XDH: variants seen among roughly 807,000 people sequenced by gnomAD.
XDH encodes the protein xanthine dehydrogenase/oxidase.
In XDH, 138 loss-of-function variants were observed where a neutral mutation model predicts 156.1. The ratio of observed to expected loss-of-function variants is 0.88; its 90% CI spans 0.77 to 1.02. The LOEUF is 1.02. Among genes scored for constraint, XDH ranks in the 50% least tolerant of loss-of-function variants. XDH has a pLI of 0.00. For synonymous variants in XDH, 669 were observed against 625.7 expected, an observed-to-expected ratio of 1.07 and a Z score of -1.03; for missense variants, 1,849 against 1,684.9, an observed-to-expected ratio of 1.10 and a Z score of -1.71.
At chr2:31,378,577 G>T (rs1481965331) in intron 13 of XDH, among the ~76,000 whole-genome samples, 1 of 152,154 alleles carries the variant, frequency 6.6e-6, no homozygotes, top group African/African-American at 2.4e-5. Context: ...GTCATGTGTG[G>T]CTCTGGGGCA....
chr2:31,355,932 A>G (rs569179017), intron 24 of XDH, among the ~76,000 whole-genome samples: 49 of 152,326 alleles, frequency 3.2e-4, no homozygotes, highest in African/African-American at 1.1e-3. Flanking sequence ...GGAAAAAGAT[A>G]TAACATGCAA....
intron 6 of XDH, among the ~76,000 whole-genome samples, chr2:31,390,546 G>C (rs1231078850): frequency 6.6e-6 from 1 of 152,190 alleles, no homozygotes; most frequent in Non-Finnish European, 1.5e-5. Flanking sequence ...GATCACTGAG[G>C]TGCATGATAA....
intron 31 of XDH, among the ~76,000 whole-genome samples, chr2:31,343,482 T>C (rs1375788481): frequency 7.6e-6 from 1 of 132,090 alleles, no homozygotes; most frequent in African/African-American, 3.0e-5. Flanking sequence ...GTATAATACA[T>C]ATATATGCCT....
intron 1 of XDH, among the ~76,000 whole-genome samples, chr2:31,410,613 A>T (rs1057038127): frequency 6.6e-6 from 1 of 152,220 alleles, no homozygotes; most frequent in Non-Finnish European, 1.5e-5. Flanking sequence ...ACTGACGTTA[A>T]AAAAACAAAC....
chr2:31,370,421 A>C lies in XDH; in HGVS notation c.1914T>G (p.Ala638=). The change falls in exon 18 of 36, where the codon GCT becomes GCG. Residue 638 remains alanine (A), a synonymous_variant. Coordinates refer to ENST00000379416, the MANE Select transcript of XDH (RefSeq NM_000379.4). ...KVPGFVCFIS[A]DDVPGSNITG... ...TTATGTTACTCCCAGGAACATCATC[A>C]GCGGAAATGAAACAAACAAACCCTG... The C allele has an allele frequency of 1.2e-6, 2 of 1,614,198 alleles. No individual in the cohort carries two copies. The highest frequency in any genetic ancestry group is 1.7e-6 in the Non-Finnish European group (2 of 1,180,016).
chr2:31,398,935 G>A (rs1443464809), intron 4 of XDH, among the ~76,000 whole-genome samples: 2 of 152,174 alleles, frequency 1.3e-5, no homozygotes, highest in Non-Finnish European at 2.9e-5. Flanking sequence ...CTAGAGCTGC[G>A]ATGAGGATTA....
chr2:31,349,285 A>G (rs2148755972), intron 26 of XDH, among the ~76,000 whole-genome samples: 1 of 152,336 alleles, frequency 6.6e-6, no homozygotes, highest in African/African-American at 2.4e-5. Context: ...CTCTGTGAGG[A>G]AGACAGAGCC....
At chr2:31,396,300 CTT>C (rs1686902481) in intron 6 of XDH, among the ~76,000 whole-genome samples, 1 of 152,142 alleles carries the variant, frequency 6.6e-6, no homozygotes. Flanking sequence ...AAATCCTTCT[CTT>C]TTGAAAAATT....
rs181551653 is a variant in XDH, at chr2:31,386,608, C to T, written c.652-53G>A. On this transcript the variant is annotated intron_variant, in intron 8 of 35. Coordinates refer to ENST00000379416, the MANE Select transcript of XDH (RefSeq NM_000379.4). ...TGTCTCCCTCTTCCTACTGTCATTC[C>T]TCTTATAAATTGCTTTAAGTCCTCA... is the stretch of plus-strand genomic sequence containing the variant. 8.1e-6 allele frequency: 13 copies of T among 1,612,414 alleles called. No homozygotes were observed. In the African/African-American group the frequency reaches 1.3e-4, roughly 17 times the overall value.
intron 20 of XDH, 27 bp from the exon 21 acceptor site, chr2:31,367,021 GTGAGCCCAA>G: frequency 6.2e-7 from 1 of 1,614,060 alleles, no homozygotes; most frequent in South Asian, 1.1e-5. Context: ...ATCCCTCACA[GTGAGCCCAA>G]TGCTGCAGAA....
intron 4 of XDH, 24 bp downstream of exon 4, chr2:31,401,196 C>T: frequency 6.2e-7 from 1 of 1,612,366 alleles, no homozygotes; most frequent in Non-Finnish European, 8.5e-7. Flanking sequence ...ATCTCAAGAG[C>T]ACAGCTCCCT....
chr2:31,341,224 T>C lies in XDH; in HGVS notation c.3585+105A>G, dbSNP rs1685115055. ...TCCCTAGGTTCCATGTTTCAGCCTGTTTGAAGACAACCTTGGACAACATGT... is the reference window on the plus strand; with the variant it reads ...TCCCTAGGTTCCATGTTTCAGCCTGCTTGAAGACAACCTTGGACAACATGT... On this transcript the variant is annotated intron_variant, in intron 33 of 35. Transcript: ENST00000379416. The C allele has an allele frequency of 1.8e-5, 22 of 1,190,134 alleles. No individual in the cohort carries two copies. The Admixed American group carries it at 3.4e-4, about 18-fold the overall frequency. 73.7% of individuals were successfully genotyped at this position (1,190,134 alleles called of 1,614,324 possible). A position where few individuals can be genotyped will look rare whatever the true frequency, so the allele number is the denominator to read the frequency against.
intron 35 of XDH, 148 bp from the exon 36 acceptor site, chr2:31,336,156 G>A: frequency 1.2e-6 from 1 of 841,308 alleles, no homozygotes; most frequent in Non-Finnish European, 2.0e-6. Flanking sequence ...ATGCCTCAGG[G>A]CAGGACTCCT....
chr2:31,378,168 AAGGAAGGAAGCAAGCAAG>A lies in XDH; in HGVS notation c.1243-949_1243-932del, dbSNP rs1686324292. Among the ~76,000 whole-genome samples, 2 of 86,684 alleles carry A rather than the reference AAGGAAGGAAGCAAGCAAG, an allele frequency of 2.3e-5. 1 individual carries two copies. The highest frequency in any genetic ancestry group is 8.9e-5 in the African/African-American group (2 of 22,508). 56.9% of individuals were successfully genotyped at this position (86,684 alleles called of 152,430 possible). On this transcript the variant is annotated intron_variant, in intron 13 of 35. Coordinates refer to ENST00000379416, the MANE Select transcript of XDH (RefSeq NM_000379.4). ...GAAGGAAGGAAGGAAGGAAGGAAGG[AAGGAAGGAAGCAAGCAAG>A]CAAGCAAAGCAAGAAAGCAAGCAAG...
At chr2:31,355,425 T>C (rs1442000651) in intron 24 of XDH, among the ~76,000 whole-genome samples, 3 of 152,010 alleles carry the variant, frequency 2.0e-5, no homozygotes, top group Non-Finnish European at 4.4e-5. Context: ...GAAACAAAAA[T>C]TAAAACACTG....
intron 24 of XDH, among the ~76,000 whole-genome samples, chr2:31,360,723 G>T (rs904630303): frequency 1.3e-5 from 2 of 152,250 alleles, no homozygotes; most frequent in East Asian, 1.9e-4. Flanking sequence ...ACCCACTAGG[G>T]TTCTTGGAAT....
chr2:31,367,907 T>A, intron 20 of XDH, 54 bp downstream of exon 20: 3 of 1,559,590 alleles, frequency 1.9e-6, no homozygotes, highest in Non-Finnish European at 2.7e-6. Flanking sequence ...TCTCTTGAAT[T>A]TAATTTGCAA....
At chr2:31,365,755 C>A (rs1396459054) in intron 22 of XDH, among the ~76,000 whole-genome samples, 2 of 152,130 alleles carry the variant, frequency 1.3e-5, no homozygotes, top group Non-Finnish European at 1.5e-5. Flanking sequence ...GAGCTCACAG[C>A]CAGTAGGAGA....
chr2:31,369,995 C>G (rs1344375553), intron 18 of XDH, among the ~76,000 whole-genome samples: 1 of 152,142 alleles, frequency 6.6e-6, no homozygotes, highest in Non-Finnish European at 1.5e-5. Flanking sequence ...TACCAATTCA[C>G]GTAGTGGTGG....
Sources: allele counts gnomAD v4.1 joint callset (sites outside exome capture counted in the v4.1 genomes callset), GRCh38; gene constraint gnomAD v4.1.1; transcripts MANE v1.5; gene names NCBI Gene and HGNC (gene_info 2026-07-23, HGNC 2026-07-21).